The following PPP4R2 variants were observed in gnomAD, a reference collection of about 807,000 sequenced individuals.
The protein encoded by PPP4R2 is protein phosphatase 4 regulatory subunit 2, also known as serine/threonine-protein phosphatase 4 regulatory subunit 2.
A neutral mutation model predicts 47.2 loss-of-function variants in PPP4R2; 13 were observed. That is an observed-to-expected ratio of 0.28 (90% CI 0.18 to 0.44). The LOEUF (loss-of-function observed/expected upper bound fraction) is 0.44. Among genes scored for constraint, PPP4R2 ranks in the 20% least tolerant of loss-of-function variants. The pLI, the probability that PPP4R2 is intolerant of heterozygous loss-of-function variation, is 1.00. For missense variants in PPP4R2, 421 were observed against 491.2 expected, an observed-to-expected ratio of 0.86 and a Z score of 1.35; for synonymous variants, 151 against 163.3, an observed-to-expected ratio of 0.92 and a Z score of 0.57.
chr3:73,025,058 CTGAT>C (rs1048668700), intron 2 of PPP4R2, among the ~76,000 whole-genome samples: 3 of 152,044 alleles, frequency 2.0e-5, no homozygotes, highest in Non-Finnish European at 4.4e-5. Context: ...GGAAAATAAT[CTGAT>C]TGGCCTGGCC....
At chr3:73,006,129 A>G (rs1179657439) in intron 2 of PPP4R2, among the ~76,000 whole-genome samples, 3 of 150,924 alleles carry the variant, frequency 2.0e-5, no homozygotes, top group African/African-American at 7.3e-5. Flanking sequence ...GGCTTCTTCT[A>G]TTCAACATAG....
rs376175677 is a variant in PPP4R2, at chr3:73,056,496, G to A, written c.288-2541G>A. 2.4e-4 allele frequency among the ~76,000 whole-genome samples: 36 copies of A among 152,270 alleles called. 1 individual carries two copies. The highest frequency in any genetic ancestry group is 8.4e-4 in the African/African-American group (35 of 41,568). On this transcript the variant is annotated intron_variant, in intron 3 of 8. Transcript: ENST00000356692. ...ATATTTCCAGTGGATCCATTGATTT[G>A]CAGAAAGTGTTTGGTTGGGATTTAG...
chr3:73,049,256 T>G (rs1000745169), intron 3 of PPP4R2, among the ~76,000 whole-genome samples: 1 of 151,952 alleles, frequency 6.6e-6, no homozygotes, highest in Non-Finnish European at 1.5e-5. Flanking sequence ...CCCAGCACTT[T>G]GGGAGGCCGA....
At chr3:73,058,486 A>G (rs9871512) in intron 3 of PPP4R2, among the ~76,000 whole-genome samples, 1,770 of 151,864 alleles carry the variant, frequency 0.012, 38 homozygotes, top group African/African-American at 0.041. Context: ...CTTTCTGTTG[A>G]TTTTGGGTGT....
intron 2 of PPP4R2, among the ~76,000 whole-genome samples, chr3:73,004,104 G>T (rs187350226): frequency 0.048 from 7,249 of 152,144 alleles, 578 homozygotes; most frequent in African/African-American, 0.17. Context: ...CCAAAGTGTT[G>T]GGATTACAGG....
intron 2 of PPP4R2, among the ~76,000 whole-genome samples, chr3:73,013,883 C>G (rs967999782): frequency 6.6e-6 from 1 of 152,170 alleles, no homozygotes; most frequent in Non-Finnish European, 1.5e-5. Flanking sequence ...CCAGTTGATC[C>G]GCCTGCCTTG....
At position 73,030,795 on chromosome 3, in the gene PPP4R2, G is replaced by T. The variant is rs527894117; in HGVS notation, c.117-16391G>T. On this transcript the variant is annotated intron_variant, in intron 2 of 8. Transcript: ENST00000356692. ...TCAGTCACTGCATCCTACGCCTCCCGGATTCAAGCAATTATCCTGCCTCAG... is the reference window on the plus strand; with the variant it reads ...TCAGTCACTGCATCCTACGCCTCCCTGATTCAAGCAATTATCCTGCCTCAG... Among the ~76,000 whole-genome samples, 4 of 151,740 alleles carry T rather than the reference G, an allele frequency of 2.6e-5. No individual in the cohort carries two copies. In the South Asian group the frequency reaches 8.3e-4, roughly 32 times the overall value.
chr3:73,059,181 AT>A, intron 4 of PPP4R2, 51 bp downstream of exon 4: 2 of 909,444 alleles, frequency 2.2e-6, no homozygotes, highest in South Asian at 1.6e-5. Context: ...AATAGCTTTT[AT>A]TTTAGAAAAG....
rs1224326312 is a variant in PPP4R2 at position 73,059,950 on chromosome 3, AAAG to A, written c.381+821_381+823del. On this transcript the variant is annotated intron_variant, in intron 4 of 8. Coordinates refer to ENST00000356692, the MANE Select transcript of PPP4R2 (RefSeq NM_174907.4). The stretch of plus-strand genomic sequence containing the variant: ...ACTCTGTCTCAGAAAAAAAAAAAAA[AAAG>A]GAAATGGTGTGAAGAACAAAGATTC... 4.2e-4 allele frequency among the ~76,000 whole-genome samples: 64 copies of A among 152,160 alleles called. 1 individual carries two copies. Among genetic ancestry groups the A allele is most frequent in the African/African-American group, 1.5e-3 (62 of 41,538 alleles).
chr3:73,027,721 A>T (rs1702094106), intron 2 of PPP4R2: 1 of 151,790 alleles, frequency 6.6e-6, no homozygotes, highest in Non-Finnish European at 1.5e-5. Flanking sequence ...CAGACAGTAG[A>T]TAAATAAATT....
In PPP4R2 at chr3:73,042,447, C is replaced by G. The variant is rs960396352; in HGVS notation, c.117-4739C>G. On this transcript the variant is annotated intron_variant, in intron 2 of 8. Coordinates refer to ENST00000356692, the MANE Select transcript of PPP4R2 (RefSeq NM_174907.4). ...TGCTGCAATCTTGGCTCACTGCAAC[C>G]TCCGCCTCCTGGGTTCAAACAATTC... Among the ~76,000 whole-genome samples the G allele has an allele frequency of 4.5e-4, 66 of 147,822 alleles. 1 individual carries two copies. Among genetic ancestry groups the G allele is most frequent in the Non-Finnish European group, 1.3e-4 (9 of 67,424 alleles).
At chr3:73,019,492 G>C (rs1383757403) in intron 2 of PPP4R2, among the ~76,000 whole-genome samples, 1 of 152,148 alleles carries the variant, frequency 6.6e-6, no homozygotes, top group Non-Finnish European at 1.5e-5. Flanking sequence ...TCCTGCCTCA[G>C]CCTCCCTAGT....
At position 73,046,178 on chromosome 3, in the gene PPP4R2, T is replaced by C. The variant is rs535507866; in HGVS notation, c.117-1008T>C. Among the ~76,000 whole-genome samples the C allele has an allele frequency of 7.9e-5, 12 of 152,314 alleles. No homozygotes were observed. In the South Asian group the frequency reaches 2.1e-3, roughly 26 times the overall value. Reference sequence around the variant, plus strand: ...CATGGATTATCAGTTTTATCCACCTTGCTTTTATACCATCAGTGCACACAT... The same window carrying C: ...CATGGATTATCAGTTTTATCCACCTCGCTTTTATACCATCAGTGCACACAT... On this transcript the variant is annotated intron_variant, in intron 2 of 8. Coordinates refer to ENST00000356692, the MANE Select transcript of PPP4R2 (RefSeq NM_174907.4).
At chr3:73,015,800 A>C (rs1404161532) in intron 2 of PPP4R2, 2 of 445,222 alleles carry the variant, frequency 4.5e-6, no homozygotes, top group Non-Finnish European at 4.5e-6. Context: ...ACCATGCCCG[A>C]TTAATTTTTT....
intron 2 of PPP4R2, among the ~76,000 whole-genome samples, chr3:73,044,472 G>C (rs1019539015): frequency 2.0e-5 from 3 of 152,122 alleles, no homozygotes; most frequent in African/African-American, 2.4e-5. Flanking sequence ...TGTAATCCTA[G>C]CTACTTGGGA....
intron 2 of PPP4R2, among the ~76,000 whole-genome samples, chr3:73,033,455 G>C (rs895545069): frequency 6.6e-6 from 1 of 152,184 alleles, no homozygotes; most frequent in Non-Finnish European, 1.5e-5. Context: ...AGCAACTCTT[G>C]TGAGTTCTCT....
intron 2 of PPP4R2, among the ~76,000 whole-genome samples, chr3:73,003,553 G>A (rs1281377512): frequency 2.0e-5 from 3 of 152,062 alleles, no homozygotes; most frequent in Non-Finnish European, 4.4e-5. Flanking sequence ...TTTACAGTAG[G>A]TATATATCTC....
intron 2 of PPP4R2, among the ~76,000 whole-genome samples, chr3:73,026,174 T>A (rs971679421): frequency 6.6e-6 from 1 of 152,196 alleles, no homozygotes; most frequent in Non-Finnish European, 1.5e-5. Flanking sequence ...AAATAAATAA[T>A]TGTAGCTCTA....
chr3:73,068,407 T>A lies in PPP4R2; in HGVS notation c.*2685T>A, dbSNP rs1703044842. ...ATATGTATTATGTTTCTAGCACTTT[T>A]CCCTTTTAAAAAGTGAAAATATCCT... On this transcript the variant is annotated 3_prime_UTR_variant, in exon 9 of 9. Coordinates refer to ENST00000356692, the MANE Select transcript of PPP4R2 (RefSeq NM_174907.4). The A allele has an allele frequency of 6.6e-6, 1 of 152,236 alleles. No individual in the cohort carries two copies. Among genetic ancestry groups the A allele is most frequent in the Non-Finnish European group, 1.5e-5 (1 of 68,046 alleles). The allele number at this position is 152,236 out of a possible 1,614,324, so 9.4% of individuals were successfully genotyped here. A position where few individuals can be genotyped will look rare whatever the true frequency, so the allele number is the denominator to read the frequency against.
Sources: allele counts gnomAD v4.1 joint callset (sites outside exome capture counted in the v4.1 genomes callset), GRCh38; gene constraint gnomAD v4.1.1; transcripts MANE v1.5; gene names NCBI Gene and HGNC (gene_info 2026-07-23, HGNC 2026-07-21).